The following OSBPL9 variants were observed in gnomAD, a reference collection of about 807,000 sequenced individuals.
The protein encoded by OSBPL9 is oxysterol-binding protein-related protein 9.
In OSBPL9, 40 loss-of-function variants were observed where a neutral mutation model predicts 106.6. The observed-to-expected ratio is 0.38, with a 90% CI of 0.29 to 0.49. The LOEUF is 0.49. OSBPL9 is among the 20% of genes least tolerant of loss of function. OSBPL9 has a pLI of 0.97. For synonymous variants in OSBPL9, 269 were observed against 295.4 expected (o/e 0.91, Z 0.92); for missense variants, 609 against 887.2 (o/e 0.69, Z 3.98).
chr1:51,667,824 G>T (rs565589194), intron 2 of OSBPL9, among the ~76,000 whole-genome samples: 1 of 152,160 alleles, frequency 6.6e-6, no homozygotes, highest in African/African-American at 2.4e-5. Flanking sequence ...TCTGGTACTG[G>T]TTCTGCTGTT....
chr1:51,519,282 C>A, the OSBPL9 span: 1 of 463,422 alleles, frequency 2.2e-6, no homozygotes, highest in East Asian at 1.8e-4. Flanking sequence ...GACTGGGGCT[C>A]GGGGCGGGGA....
chr1:51,733,662 C>T (rs1212014041), intron 4 of OSBPL9, among the ~76,000 whole-genome samples: 1 of 152,060 alleles, frequency 6.6e-6, no homozygotes, highest in Non-Finnish European at 1.5e-5. Flanking sequence ...GTAAGCCCAG[C>T]CACTTGGGGG....
At chr1:51,625,072 T>C (rs2148636822) in intron 1 of OSBPL9, among the ~76,000 whole-genome samples, 1 of 152,372 alleles carries the variant, frequency 6.6e-6, no homozygotes, top group South Asian at 2.1e-4. Context: ...TTCCACAGTT[T>C]ATGTAAAACC....
At chr1:51,531,103 G>A in the OSBPL9 span, among the ~76,000 whole-genome samples, 1 of 150,898 alleles carries the variant, frequency 6.6e-6, no homozygotes, top group African/African-American at 2.4e-5. Flanking sequence ...ATGAAAACCT[G>A]CCTCTACTAT....
chr1:51,630,368 C>G (rs530331471), intron 1 of OSBPL9, among the ~76,000 whole-genome samples: 179 of 152,156 alleles, frequency 1.2e-3, no homozygotes, highest in Non-Finnish European at 2.1e-3. Context: ...TCAAAAGCAC[C>G]ATGCCCAAGT....
At chr1:51,771,991 A>G (rs979774553) in intron 12 of OSBPL9, 79 bp from the exon 13 acceptor site, 3 of 1,011,248 alleles carry the variant, frequency 3.0e-6, no homozygotes, top group Non-Finnish European at 4.4e-6. Flanking sequence ...GCATGTAACC[A>G]GCTAACTGTA....
chr1:51,590,276 G>T (rs1431604556), intron 1 of OSBPL9, among the ~76,000 whole-genome samples: 1 of 152,020 alleles, frequency 6.6e-6, no homozygotes, highest in African/African-American at 2.4e-5. Flanking sequence ...TAGTCCACCT[G>T]AGAGATGATA....
At chr1:51,677,712 G>A (rs1301652543) in intron 3 of OSBPL9, among the ~76,000 whole-genome samples, 1 of 151,940 alleles carries the variant, frequency 6.6e-6, no homozygotes, top group Non-Finnish European at 1.5e-5. Context: ...CACCACTCTC[G>A]GCTAATTTTT....
chr1:51,557,603 A>G, the OSBPL9 span, among the ~76,000 whole-genome samples: 4 of 152,246 alleles, frequency 2.6e-5, no homozygotes, highest in Non-Finnish European at 5.9e-5. Context: ...CTAAGGCCCT[A>G]AGGAATTCAT....
chr1:51,740,722 A>C (rs1237453480), intron 4 of OSBPL9, among the ~76,000 whole-genome samples: 1 of 151,988 alleles, frequency 6.6e-6, no homozygotes, highest in Admixed American at 6.6e-5. Flanking sequence ...TTCATTTGTG[A>C]ATTTCTTTTT....
At chr1:51,668,103 G>A (rs1037418129) in intron 2 of OSBPL9, among the ~76,000 whole-genome samples, 2 of 152,090 alleles carry the variant, frequency 1.3e-5, no homozygotes, top group African/African-American at 2.4e-5. Context: ...TTGTCCCCTT[G>A]AGTCATTTCA....
At chr1:51,589,214 A>C (rs764983593) in intron 1 of OSBPL9, among the ~76,000 whole-genome samples, 1 of 151,742 alleles carries the variant, frequency 6.6e-6, no homozygotes, top group Non-Finnish European at 1.5e-5. Flanking sequence ...TCAGCCTCCC[A>C]AGTAGCTGGG....
chr1:51,714,085 G>T lies in OSBPL9; in HGVS notation c.318+6G>T. On this transcript the variant is annotated splice_donor_region_variant and intron_variant, in intron 4 of 23. Coordinates refer to ENST00000428468, the MANE Select transcript of OSBPL9 (RefSeq NM_024586.6). The stretch of plus-strand genomic sequence containing the variant: ...GACATACTCTCCAGCTTCAAGTAAG[G>T]GTCTTTACATGGTTTCCAGATAGTT... 6.3e-7 allele frequency: 1 copy of T among 1,598,536 alleles called. No individual in the cohort carries two copies. Among genetic ancestry groups the T allele is most frequent in the South Asian group, 1.1e-5 (1 of 88,326 alleles).
At chr1:51,552,184 A>G in the OSBPL9 span, among the ~76,000 whole-genome samples, 3 of 152,138 alleles carry the variant, frequency 2.0e-5, no homozygotes, top group African/African-American at 7.2e-5. Flanking sequence ...AGACTTCCTT[A>G]TACTTTTCTT....
At position 51,713,989 on chromosome 1, in the gene OSBPL9, A is replaced by G; in HGVS notation, c.242-14A>G. The G allele has an allele frequency of 9.4e-6, 15 of 1,590,316 alleles. No homozygotes were observed. Among genetic ancestry groups the G allele is most frequent in the Non-Finnish European group, 1.3e-5 (15 of 1,167,252 alleles). On this transcript the variant is annotated splice_polypyrimidine_tract_variant and intron_variant, in intron 3 of 23. Coordinates refer to ENST00000428468, the MANE Select transcript of OSBPL9 (RefSeq NM_024586.6). ...ATTAAACTTTTAATTTTAATGTATA[A>G]TCTTTTATTCCAGCCCGTGATGCTG...
upstream of OSBPL9, among the ~76,000 whole-genome samples, chr1:51,612,155 A>G (rs1643992387): frequency 6.6e-6 from 1 of 152,170 alleles, no homozygotes; most frequent in South Asian, 2.1e-4. Flanking sequence ...AAATATACAG[A>G]ATAGTATCTT....
the OSBPL9 span, among the ~76,000 whole-genome samples, chr1:51,550,429 C>T: frequency 6.6e-6 from 1 of 152,230 alleles, no homozygotes; most frequent in African/African-American, 2.4e-5. Flanking sequence ...CTTGATACAT[C>T]TGCAAGAGGA....
chr1:51,621,105 A>G (rs1199203429), intron 1 of OSBPL9, among the ~76,000 whole-genome samples: 4 of 152,248 alleles, frequency 2.6e-5, no homozygotes, highest in Non-Finnish European at 1.5e-5. Context: ...TTATACAAGT[A>G]TCAACATATG....
intron 9 of OSBPL9, 114 bp from the exon 10 acceptor site, chr1:51,760,576 A>C: frequency 6.8e-7 from 1 of 1,467,786 alleles, no homozygotes; most frequent in Non-Finnish European, 9.2e-7. Context: ...ATTTTGATCA[A>C]CATATCTATA....
Sources: allele counts gnomAD v4.1 joint callset (sites outside exome capture counted in the v4.1 genomes callset), GRCh38; gene constraint gnomAD v4.1.1; transcripts MANE v1.5; gene names NCBI Gene and HGNC (gene_info 2026-07-23, HGNC 2026-07-21).